NBR1: variants seen among roughly 807,000 people sequenced by gnomAD.
NBR1 encodes the protein next to BRCA1 gene 1 protein.
A neutral mutation model predicts 115.5 loss-of-function variants in NBR1; 59 were observed. The ratio of observed to expected loss-of-function variants is 0.51; its 90% CI spans 0.41 to 0.63. The LOEUF is 0.63. Ranked by LOEUF, NBR1 falls within the 30% of genes least tolerant of loss-of-function variation. NBR1 has a pLI of 0.00. For synonymous variants in NBR1, 373 were observed against 414.7 expected, an observed-to-expected ratio of 0.90 and a Z score of 1.22; for missense variants, 1,043 against 1,150.5, an observed-to-expected ratio of 0.91 and a Z score of 1.35.
At chr17:43,183,555 G>A (rs1406696913) in intron 5 of NBR1, among the ~76,000 whole-genome samples, 1 of 152,076 alleles carries the variant, frequency 6.6e-6, no homozygotes, top group African/African-American at 2.4e-5. Context: ...CTGGAGCACA[G>A]TGGTGCAATT....
At chr17:43,190,092 C>CT in intron 8 of NBR1, 1 of 326,968 alleles carries the variant, frequency 3.1e-6, no homozygotes, top group Non-Finnish European at 5.5e-6. Flanking sequence ...GTTCCAAATG[C>CT]CTTTTTTTTT....
At chr17:43,187,382 G>T (rs901942390) in intron 6 of NBR1, among the ~76,000 whole-genome samples, 1 of 151,790 alleles carries the variant, frequency 6.6e-6, no homozygotes, top group Non-Finnish European at 1.5e-5. Flanking sequence ...GGGTTTCACC[G>T]TGTTAGCCAG....
intron 4 of NBR1, among the ~76,000 whole-genome samples, chr17:43,180,439 TCAC>T (rs1254075252): frequency 4.6e-5 from 7 of 152,184 alleles, no homozygotes; most frequent in Admixed American, 3.9e-4. Flanking sequence ...TCTTATGGGA[TCAC>T]CATCATACAC....
rs771169697 is a variant in NBR1, at chr17:43,190,743, C to T, written c.830C>T (p.Thr277Ile). Residue 277 changes from threonine (T) to isoleucine (I), a missense_variant, in exon 9 of 21, where the codon ACT (threonine) becomes ATT (isoleucine). Coordinates refer to ENST00000590996, the MANE Select transcript of NBR1 (RefSeq NM_005899.5). ...CCGTTCTGTCACTCAAAGTACTCTA[C>T]TCCTCGTCTTCCTGCTGCTCTGGAA... ...SEPFCHSKYSTPRLPAALEQV... is the reference protein window; with the variant it reads ...SEPFCHSKYSIPRLPAALEQV... 6.2e-7 allele frequency: 1 copy of T among 1,610,760 alleles called. No individual in the cohort carries two copies. The highest frequency in any genetic ancestry group is 8.5e-7 in the Non-Finnish European group (1 of 1,177,652).
In NBR1 at chr17:43,210,116, G is replaced by T. The variant is rs760926206; in HGVS notation, c.*42G>T. 14 of 1,569,048 alleles carry T rather than the reference G, an allele frequency of 8.9e-6. No homozygotes were observed. The highest frequency in any genetic ancestry group is 2.3e-5 in the East Asian group (1 of 44,122). On this transcript the variant is annotated 3_prime_UTR_variant, in exon 21 of 21. Transcript: ENST00000590996. ...AAATAACTGCCTGCTGCTCAGAGAT[G>T]ATCTTTATTCTGTCATTGGGGTATG...
chr17:43,170,950 G>A (rs1450555429), upstream of NBR1: 2 of 152,304 alleles, frequency 1.3e-5, no homozygotes, highest in East Asian at 3.8e-4. Context: ...TAAGGTCAGT[G>A]GCCTGCGGGG....
At chr17:43,190,091 G>GT (rs1266328287) in intron 8 of NBR1, 379 of 326,870 alleles carry the variant, frequency 1.2e-3, no homozygotes, top group East Asian at 9.0e-3. Flanking sequence ...TGTTCCAAAT[G>GT]CCTTTTTTTT....
intron 5 of NBR1, among the ~76,000 whole-genome samples, 154 bp from the exon 6 acceptor site, chr17:43,186,096 A>T (rs2056794070): frequency 6.6e-6 from 1 of 152,232 alleles, no homozygotes; most frequent in African/African-American, 2.4e-5. Flanking sequence ...TTGAGTGTAA[A>T]CATTACATTT....
At chr17:43,180,716 A>T in intron 4 of NBR1, 79 bp from the exon 5 acceptor site, 1 of 1,328,220 alleles carries the variant, frequency 7.5e-7, no homozygotes, top group Non-Finnish European at 9.7e-7. Context: ...ATGTGTACAA[A>T]ATAAAAATAA....
At chr17:43,178,149 C>A in intron 3 of NBR1, 151 bp downstream of exon 3, 3 of 943,168 alleles carry the variant, frequency 3.2e-6, no homozygotes, top group South Asian at 1.6e-5. Context: ...AGAAGACTTG[C>A]AGCATCTGAG....
chr17:43,208,979 AAAC>A (rs1014223007), intron 20 of NBR1, among the ~76,000 whole-genome samples: 3 of 152,092 alleles, frequency 2.0e-5, no homozygotes, highest in Non-Finnish European at 2.9e-5. Context: ...AAAACAAACA[AAAC>A]AACAACAACA....
intron 5 of NBR1, among the ~76,000 whole-genome samples, chr17:43,182,787 G>A (rs1460591788): frequency 1.3e-5 from 2 of 149,958 alleles, no homozygotes; most frequent in Non-Finnish European, 1.5e-5. Context: ...TTTTTGCGAC[G>A]GAGTCTCGCC....
chr17:43,188,854 T>C (rs1442921335), intron 6 of NBR1, among the ~76,000 whole-genome samples, 188 bp from the exon 7 acceptor site: 1 of 152,222 alleles, frequency 6.6e-6, no homozygotes, highest in Non-Finnish European at 1.5e-5. Flanking sequence ...CTGGTAATAG[T>C]TTACTTCTGT....
intron 1 of NBR1, 29 bp from the exon 2 acceptor site, chr17:43,175,762 C>A: frequency 1.8e-6 from 2 of 1,087,194 alleles, no homozygotes; most frequent in Non-Finnish European, 2.7e-6. Context: ...GTGTTTTTCT[C>A]TCTCTCCCAC....
In NBR1 at chr17:43,196,867, A is replaced by T. The variant is rs1002845901; in HGVS notation, c.1862-75A>T. Reference sequence around the variant, plus strand: ...AGCAGCTATTCCTTGGTTTAGTTTTAGCATGGGTAATGACTGGTGAATGTT... The same window carrying T: ...AGCAGCTATTCCTTGGTTTAGTTTTTGCATGGGTAATGACTGGTGAATGTT... On this transcript the variant is annotated intron_variant, in intron 15 of 20. Transcript: ENST00000590996. 2.6e-6 allele frequency: 4 copies of T among 1,525,582 alleles called. No homozygotes were observed. The African/African-American group carries it at 5.5e-5, about 21-fold the overall frequency. 94.5% of individuals were successfully genotyped at this position (1,525,582 alleles called of 1,614,324 possible).
At chr17:43,191,229 A>G (rs561451718) in intron 9 of NBR1, 143 bp from the exon 10 acceptor site, 12 of 655,766 alleles carry the variant, frequency 1.8e-5, no homozygotes, top group Non-Finnish European at 2.9e-5. Context: ...ACTCCAGCCT[A>G]CATGACAGAG....
At position 43,200,550 on chromosome 17, in the gene NBR1, A is replaced by T. The variant is rs1298831077; in HGVS notation, c.2410A>T (p.Thr804Ser). 2.5e-6 allele frequency: 4 copies of T among 1,613,378 alleles called. No individual in the cohort carries two copies. The highest frequency in any genetic ancestry group is 3.4e-6 in the Non-Finnish European group (4 of 1,179,600). Residue 804 changes from threonine (T) to serine (S), a missense_variant, in exon 17 of 21, where the codon ACT becomes TCT. By Grantham distance (58) the Thr-to-Ser change is moderately conservative. Coordinates refer to ENST00000590996, the MANE Select transcript of NBR1 (RefSeq NM_005899.5). Reference sequence around the variant, plus strand: ...AAGTGACATCCTCACGACCTCACAGACTCTGGAAACAGTGCCCCTAATCCC... The same window carrying T: ...AAGTGACATCCTCACGACCTCACAGTCTCTGGAAACAGTGCCCCTAATCCC... ...SISDILTTSQTLETVPLIPEV... is the reference protein window; with the variant it reads ...SISDILTTSQSLETVPLIPEV...
intron 5 of NBR1, among the ~76,000 whole-genome samples, chr17:43,185,424 G>A (rs1475127664): frequency 1.3e-5 from 2 of 152,172 alleles, no homozygotes; most frequent in Non-Finnish European, 2.9e-5. Flanking sequence ...AGTTAGCCAG[G>A]TATGGTGGTG....
intron 10 of NBR1, among the ~76,000 whole-genome samples, chr17:43,192,586 G>A (rs937170490): frequency 2.0e-5 from 3 of 151,648 alleles, no homozygotes; most frequent in Non-Finnish European, 4.4e-5. Flanking sequence ...AGCCAGGATG[G>A]TCTCGATCTC....
Sources: allele counts gnomAD v4.1 joint callset (sites outside exome capture counted in the v4.1 genomes callset), GRCh38; gene constraint gnomAD v4.1.1; transcripts MANE v1.5; gene names NCBI Gene and HGNC (gene_info 2026-07-23, HGNC 2026-07-21).